The following LCP2 variants were observed in gnomAD, a reference collection of about 807,000 sequenced individuals.
The protein encoded by LCP2 is lymphocyte cytosolic protein 2.
LCP2 carries 29 observed loss-of-function variants against 74.5 expected under a neutral mutation model. The observed-to-expected ratio is 0.39, with a 90% CI of 0.29 to 0.53. LCP2 has a LOEUF of 0.53. LCP2 is among the 20% of genes least tolerant of loss of function. LCP2 has a pLI of 0.72. For synonymous variants in LCP2, 228 were observed against 229.5 expected (o/e 0.99, Z 0.06); for missense variants, 604 against 634.6 (o/e 0.95, Z 0.52).
chr5:170,271,451 G>C (rs1206183053), intron 6 of LCP2, among the ~76,000 whole-genome samples: 3 of 152,150 alleles, frequency 2.0e-5, no homozygotes, highest in African/African-American at 4.8e-5. Flanking sequence ...TGTCGAGGAG[G>C]GGACCGTCAG....
At chr5:170,284,456 C>CTT (rs35804432) in intron 3 of LCP2, among the ~76,000 whole-genome samples, 3 of 145,694 alleles carry the variant, frequency 2.1e-5, no homozygotes, top group African/African-American at 7.6e-5. Flanking sequence ...TGTAATATGT[C>CTT]TTTTTTTTTT....
chr5:170,264,298 T>C (rs1401975040), intron 10 of LCP2, among the ~76,000 whole-genome samples: 2 of 152,232 alleles, frequency 1.3e-5, no homozygotes, highest in Admixed American at 6.5e-5. Flanking sequence ...ATTTAGAGAT[T>C]TTCTTCTACG....
rs148656925 is a variant in LCP2 at position 170,289,615 on chromosome 5, CTTTT to C, written c.142-1603_142-1600del. On this transcript the variant is annotated intron_variant, in intron 2 of 20. Coordinates refer to ENST00000046794, the MANE Select transcript of LCP2 (RefSeq NM_005565.5). ...CTTTTCTTTCTTTCTTTCTTTCTTT[CTTTT>C]TCTTTCTTTCTTTCTTTCTTTCTTT... 2.2e-3 allele frequency among the ~76,000 whole-genome samples: 275 copies of C among 125,990 alleles called. 2 individuals carry two copies. The highest frequency in any genetic ancestry group is 7.7e-3 in the African/African-American group (259 of 33,424). The allele number at this position is 125,990 out of a possible 152,430, so 82.7% of individuals were successfully genotyped here.
intron 10 of LCP2, among the ~76,000 whole-genome samples, chr5:170,264,978 C>A (rs1761723987): frequency 9.2e-6 from 1 of 108,994 alleles, no homozygotes; most frequent in Non-Finnish European, 1.8e-5. Flanking sequence ...CAAAATTTGC[C>A]TTTTTTTTTT....
intron 3 of LCP2, among the ~76,000 whole-genome samples, chr5:170,281,996 C>T (rs1203490772): frequency 1.3e-5 from 2 of 152,184 alleles, no homozygotes; most frequent in Non-Finnish European, 2.9e-5. Flanking sequence ...TTTAACCAGA[C>T]CGTTGTCAGC....
rs767405175 is a variant in LCP2, at chr5:170,288,142, G to A, written c.142-126C>T. On this transcript the variant is annotated intron_variant, in intron 2 of 20. Transcript: ENST00000046794. ...GACTGTGGCAAACAGAGGAGAAACC[G>A]CCCTGCCCACCCACCCTCCCCAAGT... is the stretch of plus-strand genomic sequence containing the variant. The A allele has an allele frequency of 6.6e-5, 61 of 930,640 alleles. 1 individual carries two copies. Among genetic ancestry groups the A allele is most frequent in the African/African-American group, 2.0e-4 (12 of 60,300 alleles). 57.6% of individuals were successfully genotyped at this position (930,640 alleles called of 1,614,324 possible).
intron 5 of LCP2, among the ~76,000 whole-genome samples, chr5:170,274,628 C>T (rs1761974256): frequency 1.3e-5 from 2 of 152,184 alleles, no homozygotes; most frequent in Non-Finnish European, 1.5e-5. Context: ...GGGCCTATGC[C>T]TACAGCTTCT....
chr5:170,289,611 CTTTCTTTTTCTT>C (rs1395895360), intron 2 of LCP2, among the ~76,000 whole-genome samples: 10 of 143,714 alleles, frequency 7.0e-5, no homozygotes, highest in African/African-American at 2.7e-4. Flanking sequence ...TTCTTTCTTT[CTTTCTTTTTCTT>C]TCTTTCTTTC....
rs395407 is a variant in LCP2, at chr5:170,262,600, G to C, written c.926+35C>G. 1,322,323 of 1,522,876 alleles carry C rather than the reference G, an allele frequency of 0.87. 575,165 individuals are homozygous for C. The highest frequency in any genetic ancestry group is 0.96 in the African/African-American group (70,715 of 73,322). The allele number at this position is 1,522,876 out of a possible 1,614,324, so 94.3% of individuals were successfully genotyped here. A position where few individuals can be genotyped will look rare whatever the true frequency, so the allele number is the denominator to read the frequency against. On this transcript the variant is annotated intron_variant, in intron 13 of 20. Coordinates refer to ENST00000046794, the MANE Select transcript of LCP2 (RefSeq NM_005565.5). ...CAGGGCAGCCTGTCTGCCGGCCACT[G>C]TGAGTGACAAGCTCAAGCAACACCA...
chr5:170,293,327 C>A lies in LCP2; in HGVS notation c.124G>T (p.Asp42Tyr). The change falls in exon 2 of 21, where the codon GAT (aspartate) becomes TAT (tyrosine). Residue 42 changes from aspartate to tyrosine, a missense_variant. By Grantham distance (160) the Asp-to-Tyr change is radical. Transcript: ENST00000046794. ...GAGCTTACCAAGAAGCGAGCCCCAT[C>A]GATGTGGTACTTCTTCACTGCCTTC... ...CEKAVKKYHI[D>Y]GARFLNLTEN... 6.2e-7 allele frequency: 1 copy of A among 1,607,492 alleles called. No homozygotes were observed. The highest frequency in any genetic ancestry group is 8.5e-7 in the Non-Finnish European group (1 of 1,176,886).
Position 170,275,782 on chromosome 5 carries a change from C to A in LCP2, c.254+13G>T. On this transcript the variant is annotated intron_variant, in intron 4 of 20. Coordinates refer to ENST00000046794, the MANE Select transcript of LCP2 (RefSeq NM_005565.5). ...TGAAAAATCTTGCGTTTCCTTACAC[C>A]AGCCGCACTCACTTGCGTGTGAAGA... The A allele has an allele frequency of 1.3e-6, 2 of 1,572,440 alleles. No homozygotes were observed. Among genetic ancestry groups the A allele is most frequent in the Admixed American group, 1.8e-5 (1 of 55,172 alleles).
In LCP2 at chr5:170,250,786, G is replaced by A. The variant is rs1234333977; in HGVS notation, c.1423C>T (p.Arg475Cys). The change falls in exon 20 of 21, where the codon CGT (arginine) becomes TGT (cysteine). Residue 475 changes from arginine (R) to cysteine (C), a missense_variant. Coordinates refer to ENST00000046794, the MANE Select transcript of LCP2 (RefSeq NM_005565.5). ...YKDKVYNIQI[R>C]YQKESQVYLL... ...TAAACTTGACTTTCCTTCTGATAAC[G>A]GATCTGGATGTTGTAAACTTTATCT... The A allele has an allele frequency of 3.1e-6, 5 of 1,612,418 alleles. No homozygotes were observed. The highest frequency in any genetic ancestry group is 1.3e-5 in the African/African-American group (1 of 74,868).
At chr5:170,277,729 GC>G (rs1290458922) in intron 3 of LCP2, among the ~76,000 whole-genome samples, 1 of 116,754 alleles carries the variant, frequency 8.6e-6, no homozygotes, top group African/African-American at 3.5e-5. Context: ...GGGGACAGGA[GC>G]AAAACTTCGT....
chr5:170,284,821 G>A (rs1374567991), intron 3 of LCP2, among the ~76,000 whole-genome samples: 1 of 150,092 alleles, frequency 6.7e-6, no homozygotes, highest in Non-Finnish European at 1.5e-5. Context: ...TGCCATCTCA[G>A]CTCACTGCAG....
intron 6 of LCP2, among the ~76,000 whole-genome samples, chr5:170,273,599 C>G (rs912717136): frequency 6.6e-6 from 1 of 152,130 alleles, no homozygotes; most frequent in South Asian, 2.1e-4. Flanking sequence ...ACGTTCTGCT[C>G]TCCTGTGGAC....
chr5:170,283,489 A>G (rs1762136763), intron 3 of LCP2, among the ~76,000 whole-genome samples: 1 of 152,156 alleles, frequency 6.6e-6, no homozygotes, highest in African/African-American at 2.4e-5. Context: ...CTACAGCCCT[A>G]GGGGAGGCTC....
rs574273338 is a variant in LCP2 at position 170,287,191 on chromosome 5, T to A, written c.188+779A>T. On this transcript the variant is annotated intron_variant, in intron 3 of 20. Coordinates refer to ENST00000046794, the MANE Select transcript of LCP2 (RefSeq NM_005565.5). ...CAATGAGGCTTTGCGATGGCTACTTTTTTCATCATATGATAACCGTGCTAT... is the reference window on the plus strand; with the variant it reads ...CAATGAGGCTTTGCGATGGCTACTTATTTCATCATATGATAACCGTGCTAT... Among the ~76,000 whole-genome samples, 163 of 152,358 alleles carry A rather than the reference T, an allele frequency of 1.1e-3. 3 individuals are homozygous for A. Among genetic ancestry groups the A allele is most frequent in the African/African-American group, 3.8e-3 (157 of 41,578 alleles).
At position 170,256,310 on chromosome 5, in the gene LCP2, ATG is replaced by A. The variant is rs1360565910; in HGVS notation, c.1150+214_1150+215del. Among the ~76,000 whole-genome samples, 1 of 152,090 alleles carries A rather than the reference ATG, an allele frequency of 6.6e-6. No homozygotes were observed. Among genetic ancestry groups the A allele is most frequent in the African/African-American group, 2.4e-5 (1 of 41,402 alleles). ...TGTGCATGTGTGTATGGGCATGTAT[ATG>A]TATACGTGTGTGTGTATGTGTTGTG... On this transcript the variant is annotated intron_variant, in intron 17 of 20. Coordinates refer to ENST00000046794, the MANE Select transcript of LCP2 (RefSeq NM_005565.5). This position sits in a 1 kb window ranked among gnomAD's most constrained non-coding sequence, Gnocchi z 4.5.
chr5:170,271,609 T>A (rs1359321528), intron 6 of LCP2, among the ~76,000 whole-genome samples: 1 of 152,124 alleles, frequency 6.6e-6, no homozygotes, highest in Non-Finnish European at 1.5e-5. Flanking sequence ...TCTTCTTGGA[T>A]CTCAGGGAAA....
Sources: gnomAD v4.1 joint callset for allele counts (sites outside exome capture counted in the v4.1 genomes callset) on GRCh38, gnomAD v4.1.1 for gene constraint, Gnocchi (gnomAD v3.1) non-coding constraint, MANE v1.5 for transcripts, NCBI Gene and HGNC (gene_info 2026-07-23, HGNC 2026-07-21) for gene names.